KCND3: variants seen among roughly 807,000 people sequenced by gnomAD.
KCND3 encodes the protein A-type voltage-gated potassium channel KCND3.
KCND3 carries 9 observed loss-of-function variants against 51.1 expected under a neutral mutation model. The ratio of observed to expected loss-of-function variants is 0.18; its 90% CI spans 0.11 to 0.31. The LOEUF (loss-of-function observed/expected upper bound fraction) is 0.31, where lower values mean the gene tolerates loss of function less well. KCND3 is among the 10% of genes least tolerant of loss of function. The pLI, the probability that KCND3 is intolerant of heterozygous loss-of-function variation, is 1.00. For synonymous variants in KCND3, 349 were observed against 368.0 expected, an observed-to-expected ratio of 0.95 and a Z score of 0.59; for missense variants, 526 against 903.8, an observed-to-expected ratio of 0.58 and a Z score of 5.36.
chr1:111,968,059 A>G (rs1339333362), intron 2 of KCND3, among the ~76,000 whole-genome samples: 1 of 152,196 alleles, frequency 6.6e-6, no homozygotes, highest in East Asian at 1.9e-4. Flanking sequence ...CCTTACATGG[A>G]AATATTCAGA....
intron 2 of KCND3, among the ~76,000 whole-genome samples, chr1:111,896,554 C>A (rs575103564): frequency 1.3e-5 from 2 of 152,300 alleles, no homozygotes; most frequent in African/African-American, 4.8e-5. Flanking sequence ...GGCTACCTGT[C>A]AGCTGTCTAG....
intron 2 of KCND3, among the ~76,000 whole-genome samples, chr1:111,897,652 G>A (rs1384443476): frequency 6.6e-6 from 1 of 152,224 alleles, no homozygotes; most frequent in Non-Finnish European, 1.5e-5. Context: ...GAAGGCACAT[G>A]GGCTCACTTG....
chr1:111,984,839 C>T (rs1194747852), intron 1 of KCND3, among the ~76,000 whole-genome samples: 1 of 152,112 alleles, frequency 6.6e-6, no homozygotes, highest in African/African-American at 2.4e-5. Flanking sequence ...TATTAGAATC[C>T]TACCTATTCA....
At chr1:111,838,982 A>G (rs1667203361) in intron 2 of KCND3, among the ~76,000 whole-genome samples, 1 of 152,254 alleles carries the variant, frequency 6.6e-6, no homozygotes, top group African/African-American at 2.4e-5. Context: ...AAAGGAAATC[A>G]TTTAAATTTT....
At chr1:111,944,795 G>A (rs1434955250) in intron 2 of KCND3, among the ~76,000 whole-genome samples, 1 of 152,212 alleles carries the variant, frequency 6.6e-6, no homozygotes, top group Admixed American at 6.5e-5. Context: ...ACTCCAAGGG[G>A]AGGGAAATGA....
chr1:111,922,837 CTG>C (rs1168023787), intron 2 of KCND3, among the ~76,000 whole-genome samples: 1 of 152,218 alleles, frequency 6.6e-6, no homozygotes, highest in Non-Finnish European at 1.5e-5. Flanking sequence ...GAATAAGTCT[CTG>C]TTTTATATGG....
chr1:111,860,278 C>T (rs946072937), intron 2 of KCND3, among the ~76,000 whole-genome samples: 63 of 152,202 alleles, frequency 4.1e-4, no homozygotes, highest in African/African-American at 1.4e-3. Flanking sequence ...TAAGGAAATA[C>T]GGCTCAGAGA....
chr1:111,856,451 G>A (rs1668076655), intron 2 of KCND3, among the ~76,000 whole-genome samples: 1 of 152,238 alleles, frequency 6.6e-6, no homozygotes, highest in Non-Finnish European at 1.5e-5. Context: ...CTTAGTAGAT[G>A]TGCAATAAGC....
intron 2 of KCND3, among the ~76,000 whole-genome samples, chr1:111,870,388 T>G (rs551783236): frequency 6.6e-6 from 1 of 152,322 alleles, no homozygotes; most frequent in South Asian, 2.1e-4. Flanking sequence ...ATGCTGGACA[T>G]CAGAGTCACT....
intron 2 of KCND3, among the ~76,000 whole-genome samples, chr1:111,884,794 G>C (rs1669494121): frequency 6.6e-6 from 1 of 152,230 alleles, no homozygotes; most frequent in African/African-American, 2.4e-5. Flanking sequence ...AAGACTAGGT[G>C]ACACCAAATT....
intron 2 of KCND3, among the ~76,000 whole-genome samples, chr1:111,836,955 C>A (rs1667095508): frequency 6.6e-6 from 1 of 152,136 alleles, no homozygotes; most frequent in African/African-American, 2.4e-5. Flanking sequence ...TTGTACTTTT[C>A]CCCACCCCCT....
intron 2 of KCND3, among the ~76,000 whole-genome samples, chr1:111,930,825 C>T (rs541531119): frequency 7.2e-5 from 11 of 152,198 alleles, no homozygotes; most frequent in African/African-American, 2.4e-4. Context: ...GAGACTTAAC[C>T]GTGACATGCT....
chr1:111,880,945 G>T (rs1184442350), intron 2 of KCND3, among the ~76,000 whole-genome samples: 1 of 152,158 alleles, frequency 6.6e-6, no homozygotes, highest in African/African-American at 2.4e-5. Flanking sequence ...GCCTCGGTCT[G>T]CCTTGGCCCT....
intron 2 of KCND3, among the ~76,000 whole-genome samples, chr1:111,925,385 C>A (rs558455556): frequency 1.3e-5 from 2 of 152,206 alleles, no homozygotes; most frequent in East Asian, 1.9e-4. Flanking sequence ...TTGAACCCTA[C>A]GAATATGATT....
At chr1:111,968,808 G>A (rs1038664295) in intron 2 of KCND3, among the ~76,000 whole-genome samples, 1 of 152,150 alleles carries the variant, frequency 6.6e-6, no homozygotes, top group Non-Finnish European at 1.5e-5. Flanking sequence ...TCTCTCTAGT[G>A]GACTAGGAGG....
At chr1:111,789,706 T>C (rs532661805) in intron 2 of KCND3, among the ~76,000 whole-genome samples, 1 of 152,346 alleles carries the variant, frequency 6.6e-6, no homozygotes, top group African/African-American at 2.4e-5. Context: ...AGACAGCTTG[T>C]GAATACTTGG....
intron 2 of KCND3, among the ~76,000 whole-genome samples, chr1:111,905,797 C>T (rs969550422): frequency 6.6e-6 from 1 of 152,184 alleles, no homozygotes; most frequent in Non-Finnish European, 1.5e-5. Flanking sequence ...GGGCCCCACC[C>T]AGGCCCTTTC....
At chr1:111,871,594 AAGAT>A (rs1668830196) in intron 2 of KCND3, among the ~76,000 whole-genome samples, 1 of 152,190 alleles carries the variant, frequency 6.6e-6, no homozygotes, top group Admixed American at 6.5e-5. Flanking sequence ...TGGAGACACA[AAGAT>A]AGAAAAGCAG....
intron 2 of KCND3, among the ~76,000 whole-genome samples, chr1:111,926,558 G>C (rs1181607662): frequency 1.3e-5 from 2 of 152,266 alleles, no homozygotes; most frequent in African/African-American, 4.8e-5. Flanking sequence ...TGGTGGCAGG[G>C]AGGGGCTTGG....
Sources: allele counts gnomAD v4.1 joint callset (sites outside exome capture counted in the v4.1 genomes callset), GRCh38; gene constraint gnomAD v4.1.1; transcripts MANE v1.5; gene names NCBI Gene and HGNC (gene_info 2026-07-23, HGNC 2026-07-21).